Variants in FAM227B observed in about 807,000 individuals in gnomAD.
FAM227B encodes family with sequence similarity 227 member B, also known as protein FAM227B.
A neutral mutation model predicts 73.8 loss-of-function variants in FAM227B; 88 were observed. That is an observed-to-expected ratio of 1.19 (90% CI 1.00 to 1.42). FAM227B has a LOEUF of 1.42. Among genes scored for constraint, FAM227B ranks in the 40% most tolerant of loss-of-function variants. The probability of loss-of-function intolerance (pLI) is 0.00; values close to 1 mark genes in which losing one functional copy is unlikely to be tolerated. For missense variants in FAM227B, 632 were observed against 590.9 expected, an observed-to-expected ratio of 1.07 and a Z score of -0.72; for synonymous variants, 210 against 190.5, an observed-to-expected ratio of 1.10 and a Z score of -0.84.
At chr15:49,614,917 C>T (rs989287322) in intron 2 of FAM227B, 9 of 557,342 alleles carry the variant, frequency 1.6e-5, no homozygotes, top group South Asian at 7.1e-5. Flanking sequence ...CCCATCTCCT[C>T]GGCTGCAGCA....
intron 7 of FAM227B, chr15:49,576,390 G>A (rs1466731217): frequency 5.9e-6 from 1 of 168,970 alleles, no homozygotes; most frequent in Non-Finnish European, 1.3e-5. Flanking sequence ...CACCCAGAAG[G>A]GTTGTGAAGA....
intron 9 of FAM227B, among the ~76,000 whole-genome samples, chr15:49,566,351 G>A (rs2074657293): frequency 6.6e-6 from 1 of 152,114 alleles, no homozygotes; most frequent in South Asian, 2.1e-4. Flanking sequence ...GTTGAACAAG[G>A]TGAATAAAGG....
intron 11 of FAM227B, among the ~76,000 whole-genome samples, chr15:49,446,671 T>C (rs2052249695): frequency 6.6e-6 from 1 of 151,550 alleles, no homozygotes; most frequent in African/African-American, 2.4e-5. Flanking sequence ...TGGGGATCTC[T>C]GTCCTGTCTA....
Position 49,499,609 on chromosome 15 carries a change from C to T in FAM227B, c.1012+8602G>A, listed in dbSNP as rs375235161. ...AACCAAAATAATTGTGTAAAAGAAG[C>T]GCAAACTTGGAGGACTTATAGTACC... On this transcript the variant is annotated intron_variant, in intron 11 of 15. Transcript: ENST00000299338. 3.9e-5 allele frequency among the ~76,000 whole-genome samples: 6 copies of T among 152,090 alleles called. No homozygotes were observed. The East Asian group carries it at 5.8e-4, about 15-fold the overall frequency.
intron 11 of FAM227B, among the ~76,000 whole-genome samples, chr15:49,388,779 A>T (rs1035088169): frequency 1.3e-5 from 2 of 152,010 alleles, no homozygotes; most frequent in East Asian, 3.8e-4. Context: ...GAACTCAAAC[A>T]AATTACCAAG....
In FAM227B at chr15:49,594,120, C is replaced by T. The variant is rs1161838694; in HGVS notation, c.106-4113G>A. ...ATAATTTTTTAATTTTGGCAATTCTCGCAGGAGTAAGGTGGTATTGCATTG... is the reference window on the plus strand; with the variant it reads ...ATAATTTTTTAATTTTGGCAATTCTTGCAGGAGTAAGGTGGTATTGCATTG... On this transcript the variant is annotated intron_variant, in intron 3 of 15. Transcript: ENST00000299338. Among the ~76,000 whole-genome samples, 5 of 151,962 alleles carry T rather than the reference C, an allele frequency of 3.3e-5. 1 individual carries two copies. Among genetic ancestry groups the T allele is most frequent in the South Asian group, 4.2e-4 (2 of 4,812 alleles).
At chr15:49,503,597 C>T (rs925535859) in intron 11 of FAM227B, among the ~76,000 whole-genome samples, 1 of 152,092 alleles carries the variant, frequency 6.6e-6, no homozygotes, top group African/African-American at 2.4e-5. Context: ...CAAACAACCC[C>T]ATCAAAAAGT....
chr15:49,399,721 G>A (rs1596899996), intron 11 of FAM227B, among the ~76,000 whole-genome samples: 1 of 136,826 alleles, frequency 7.3e-6, no homozygotes, highest in Non-Finnish European at 1.7e-5. Context: ...ATGTAATCCA[G>A]CATATAAACA....
At chr15:49,334,371 C>T (rs1306829324) in intron 14 of FAM227B, 9 of 314,228 alleles carry the variant, frequency 2.9e-5, no homozygotes, top group African/African-American at 4.5e-5. Flanking sequence ...CAACAATTTA[C>T]TGATATACAC....
chr15:49,342,248 T>G (rs1421451624), intron 13 of FAM227B, among the ~76,000 whole-genome samples: 2 of 152,236 alleles, frequency 1.3e-5, no homozygotes, highest in Admixed American at 6.5e-5. Context: ...TAGTTAAGTT[T>G]CCTGGTTGAA....
intron 11 of FAM227B, among the ~76,000 whole-genome samples, chr15:49,465,470 T>C (rs1340797725): frequency 2.6e-5 from 4 of 152,018 alleles, no homozygotes; most frequent in Non-Finnish European, 5.9e-5. Flanking sequence ...AGGAGCAAGA[T>C]AGATAAATAG....
chr15:49,436,945 A>C (rs577739724), intron 11 of FAM227B, among the ~76,000 whole-genome samples: 2 of 151,638 alleles, frequency 1.3e-5, no homozygotes, highest in East Asian at 3.9e-4. Context: ...ATAAAAACTT[A>C]CTCCAAGTTT....
intron 5 of FAM227B, among the ~76,000 whole-genome samples, chr15:49,586,076 A>T (rs1257079267): frequency 6.7e-6 from 1 of 150,110 alleles, no homozygotes; most frequent in African/African-American, 2.5e-5. Flanking sequence ...TACCCAAGAC[A>T]ATCCTAAGTA....
chr15:49,499,939 C>T (rs1171895104), intron 11 of FAM227B, among the ~76,000 whole-genome samples: 1 of 152,054 alleles, frequency 6.6e-6, no homozygotes, highest in Non-Finnish European at 1.5e-5. Context: ...AAATTGGGTT[C>T]ACAAATATTA....
intron 11 of FAM227B, among the ~76,000 whole-genome samples, chr15:49,492,746 T>C (rs1227154008): frequency 6.6e-6 from 1 of 151,890 alleles, no homozygotes; most frequent in African/African-American, 2.4e-5. Context: ...AATACTTCAT[T>C]TTCAAATTTT....
rs1419961300 is a variant in FAM227B at position 49,568,944 on chromosome 15, CAGA to C, written c.646-601_646-599del. The stretch of plus-strand genomic sequence containing the variant: ...CCTCTTCAACTTTTTGAAAGAGTTT[CAGA>C]AGGACTGGTGTTTATTCTTCTTTAA... On this transcript the variant is annotated intron_variant, in intron 8 of 15. Coordinates refer to ENST00000299338, the MANE Select transcript of FAM227B (RefSeq NM_152647.3). Among the ~76,000 whole-genome samples, 6 of 152,006 alleles carry C rather than the reference CAGA, an allele frequency of 3.9e-5. No individual in the cohort carries two copies. In the South Asian group the frequency reaches 8.3e-4, roughly 21 times the overall value.
chr15:49,596,854 C>CAAGAGTT (rs990116675), intron 3 of FAM227B, among the ~76,000 whole-genome samples: 2 of 151,748 alleles, frequency 1.3e-5, no homozygotes, highest in African/African-American at 4.8e-5. Flanking sequence ...TTTAAAGCAA[C>CAAGAGTT]AAGAGTTAAA....
intron 11 of FAM227B, among the ~76,000 whole-genome samples, chr15:49,474,641 A>G (rs1042393606): frequency 2.8e-4 from 43 of 152,236 alleles, no homozygotes; most frequent in Non-Finnish European, 5.3e-4. Context: ...GGAGCCCCCA[A>G]CCCCTGGGCT....
Position 49,328,191 on chromosome 15 carries a change from AG to A in FAM227B, c.*376del, listed in dbSNP as rs764253278. 1.9e-6 allele frequency: 3 copies of A among 1,584,160 alleles called. No individual in the cohort carries two copies. The highest frequency in any genetic ancestry group is 3.6e-5 in the Admixed American group (2 of 55,924). ...GTAAAAAGTCTGAGAGAAACTACTT[AG>A]GGCACTTAGGAATTGGCAGGACTTT... On this transcript the variant is annotated 3_prime_UTR_variant, in exon 16 of 16. Coordinates refer to ENST00000299338, the MANE Select transcript of FAM227B (RefSeq NM_152647.3).
Sources: gnomAD v4.1 joint callset for allele counts (sites outside exome capture counted in the v4.1 genomes callset) on GRCh38, gnomAD v4.1.1 for gene constraint, MANE v1.5 for transcripts, NCBI Gene and HGNC (gene_info 2026-07-23, HGNC 2026-07-21) for gene names.